Variants in LAS1L observed in about 807,000 individuals in gnomAD.
LAS1L encodes the protein LAS1 like ribosome biogenesis factor.
In LAS1L, 5 loss-of-function variants were observed where a neutral mutation model predicts 57.3. The ratio of observed to expected loss-of-function variants is 0.09; its 90% CI spans 0.05 to 0.18. The LOEUF is 0.18. Ranked by LOEUF, LAS1L falls within the 10% of genes least tolerant of loss-of-function variation. The pLI is 1.00. For missense variants in LAS1L, 360 were observed against 568.3 expected (o/e 0.63, Z 3.73); for synonymous variants, 245 against 231.7 (o/e 1.06, Z -0.52).
At position 65,534,643 on chromosome X, in the gene LAS1L, C is replaced by T; in HGVS notation, c.73G>A (p.Gly25Arg). 2 of 1,195,069 alleles carry T rather than the reference C, an allele frequency of 1.7e-6. No individual in the cohort carries two copies. The highest frequency in any genetic ancestry group is 1.8e-5 in the South Asian group (1 of 54,652). Residue 25 changes from glycine (G) to arginine (R), a missense_variant, in exon 1 of 14, where the codon GGA becomes AGA. Coordinates refer to ENST00000374811, the MANE Select transcript of LAS1L (RefSeq NM_031206.7). The part of the protein sequence containing the change: ...GMDLVWSAWY[G>R]KCVKGKGSLP... ...GACCCTTTCCCTTTAACGCACTTTC[C>T]GTACCACGCACTCCACACGAGATCC...
At position 65,517,889 on chromosome X, in the gene LAS1L, T is replaced by C; in HGVS notation, c.1927+98A>G. Reference sequence around the variant, plus strand: ...CCTTCCAGGCTTGCCTCACATTGGCTACCTCCTGCTACTTTCCATCTCTTC... The same window carrying C: ...CCTTCCAGGCTTGCCTCACATTGGCCACCTCCTGCTACTTTCCATCTCTTC... On this transcript the variant is annotated intron_variant, in intron 12 of 13. Transcript: ENST00000374811. 8.2e-6 allele frequency: 9 copies of C among 1,099,674 alleles called. No individual in the cohort carries two copies. In the South Asian group the frequency reaches 2.2e-4, roughly 27 times the overall value. 90.6% of individuals were successfully genotyped at this position (1,099,674 alleles called of 1,213,427 possible). A position where few individuals can be genotyped will look rare whatever the true frequency, so the allele number is the denominator to read the frequency against.
intron 11 of LAS1L, among the ~76,000 whole-genome samples, chrX:65,519,590 A>C (rs1210573885): frequency 8.9e-6 from 1 of 112,023 alleles, no homozygotes; most frequent in Non-Finnish European, 1.9e-5. Flanking sequence ...TGTGCACACA[A>C]AAGACGGCGC....
Position 65,524,314 on chromosome X carries a change from G to T in LAS1L, c.1094-52C>A, listed in dbSNP as rs766968964. ...GGGGGCAATAGGAGAGAGAGAGCAG[G>T]AGAGCACGAAAGAGAGAGCAAGAGA... On this transcript the variant is annotated intron_variant, in intron 9 of 13. Transcript: ENST00000374811. The T allele has an allele frequency of 3.1e-6, 3 of 982,496 alleles. No individual in the cohort carries two copies. The African/African-American group carries it at 5.7e-5, about 19-fold the overall frequency. 81.0% of individuals were successfully genotyped at this position (982,496 alleles called of 1,213,427 possible).
chrX:65,514,745 C>T (rs1173302601), intron 13 of LAS1L, 78 bp downstream of exon 13: 1 of 1,001,342 alleles, frequency 1.0e-6, no homozygotes, highest in Non-Finnish European at 1.3e-6. Flanking sequence ...CCTCCCCCAC[C>T]CACCTCACCT....
chrX:65,525,748 C>CAAAAA lies in LAS1L; in HGVS notation c.957-703_957-699dup, dbSNP rs772564998. On this transcript the variant is annotated intron_variant, in intron 7 of 13. Coordinates refer to ENST00000374811, the MANE Select transcript of LAS1L (RefSeq NM_031206.7). ...AGGTCTTCACCAAGGTCTGATTTTT[C>CAAAAA]AAAAAAAAAAAAAAAAAAAAGAAAG... 3.2e-3 allele frequency among the ~76,000 whole-genome samples: 124 copies of CAAAAA among 38,206 alleles called. 7 individuals carry two copies. Among genetic ancestry groups the CAAAAA allele is most frequent in the Middle Eastern group, 0.021 (1 of 47 alleles). 33.2% of individuals were successfully genotyped at this position (38,206 alleles called of 115,157 possible). A position where few individuals can be genotyped will look rare whatever the true frequency, so the allele number is the denominator to read the frequency against.
chrX:65,519,911 T>C (rs1453631338), intron 11 of LAS1L, among the ~76,000 whole-genome samples: 1 of 111,895 alleles, frequency 8.9e-6, no homozygotes, highest in Non-Finnish European at 1.9e-5. Flanking sequence ...TCAAATTAAA[T>C]TGATATTGGC....
At position 65,518,059 on chromosome X, in the gene LAS1L, T is replaced by G; in HGVS notation, c.1855A>C (p.Thr619Pro). 8.3e-7 allele frequency: 1 copy of G among 1,211,995 alleles called. No individual in the cohort carries two copies. Among genetic ancestry groups the G allele is most frequent in the Non-Finnish European group, 1.1e-6 (1 of 895,424 alleles). ...GCCAGAAGCCTAGCATTCTCGGCAGTGGGGGACTCTTGCCCTGTAGAGAAA... is the reference window on the plus strand; with the variant it reads ...GCCAGAAGCCTAGCATTCTCGGCAGGGGGGGACTCTTGCCCTGTAGAGAAA... The part of the protein sequence containing the change: ...GPFSTGQESP[T>P]AENARLLAQK... Residue 619 changes from threonine (T) to proline (P), a missense_variant, in exon 12 of 14, where the codon ACT becomes CCT. Physicochemically the swap from Thr to Pro is conservative, Grantham distance 38 (BLOSUM62 -1). Around this residue, in one of 7 missense-constraint regions of LAS1L, gnomAD observed 123 missense variants for 168.3 expected, o/e 0.73. Coordinates refer to ENST00000374811, the MANE Select transcript of LAS1L (RefSeq NM_031206.7).
intron 3 of LAS1L, among the ~76,000 whole-genome samples, chrX:65,532,181 G>T (rs2069530569): frequency 2.7e-5 from 3 of 112,180 alleles, no homozygotes; most frequent in Non-Finnish European, 5.6e-5. Flanking sequence ...GAATGTCTGA[G>T]TTACAGAAGT....
chrX:65,516,688 TTA>T (rs2068644544), intron 12 of LAS1L, among the ~76,000 whole-genome samples: 1 of 104,827 alleles, frequency 9.5e-6, no homozygotes, highest in African/African-American at 3.5e-5. Context: ...CAAATTCTGC[TTA>T]TGTCAATGCC....
In LAS1L at chrX:65,529,762, G is replaced by C. The variant is rs2069372163; in HGVS notation, c.631C>G (p.Gln211Glu). ...EFREGIEEED[Q>E]EEDKNIVVDD... ...ACAACAATGTTCTTATCTTCCTCTT[G>C]ATCCTCTTCCTCTATCCCTTCCCTG... The change falls in exon 5 of 14, where the codon CAA becomes GAA. Residue 211 changes from glutamine (Q) to glutamate (E), a missense_variant. This residue lies in a region of LAS1L where 51 missense variants were observed against 43.1 expected (regional missense o/e 1.18). Transcript: ENST00000374811. 2.5e-6 allele frequency: 3 copies of C among 1,211,245 alleles called. No individual in the cohort carries two copies. The highest frequency in any genetic ancestry group is 3.4e-6 in the Non-Finnish European group (3 of 895,272).
chrX:65,512,872 C>T lies in LAS1L; in HGVS notation c.2108G>A (p.Ser703Asn). The change falls in exon 14 of 14, where the codon AGT becomes AAT. Residue 703 changes from serine (S) to asparagine (N), a missense_variant. Coordinates refer to ENST00000374811, the MANE Select transcript of LAS1L (RefSeq NM_031206.7). Reference protein sequence around the residue: ...DTLGLSCGVGSGNCSNSSSSN... With the variant: ...DTLGLSCGVGNGNCSNSSSSN... ...GCTGCTGCTGTTGCTGCAGTTGCCACTGCCGACACCACAGCTCAGGCCCAA... is the reference window on the plus strand; with the variant it reads ...GCTGCTGCTGTTGCTGCAGTTGCCATTGCCGACACCACAGCTCAGGCCCAA... 1 of 1,167,796 alleles carries T rather than the reference C, an allele frequency of 8.6e-7. No homozygotes were observed. Among genetic ancestry groups the T allele is most frequent in the Non-Finnish European group, 1.1e-6 (1 of 872,921 alleles).
rs919155075 is a variant in LAS1L at position 65,524,172 on chromosome X, G to A, written c.1184C>T (p.Thr395Met). The A allele has an allele frequency of 2.5e-6, 3 of 1,210,278 alleles. No homozygotes were observed. Among genetic ancestry groups the A allele is most frequent in the Non-Finnish European group, 1.1e-6 (1 of 894,243 alleles). The change falls in exon 10 of 14, where the codon ACG becomes ATG. Residue 395 changes from threonine (T) to methionine (M), a missense_variant. By Grantham distance (81) the Thr-to-Met change is moderately conservative. This residue lies in a region of LAS1L where 81 missense variants were observed against 192.1 expected (regional missense o/e 0.42). Coordinates refer to ENST00000374811, the MANE Select transcript of LAS1L (RefSeq NM_031206.7). ...LLRGLHSQNF[T>M]QALLERMLSE... is the part of the protein sequence containing the mutation. ...GAGCATCCTCTCCAATAGGGCCTGC[G>A]TGAAGTTCTGGGAGTGCAGGCCCCT...
chrX:65,520,401 C>A, intron 11 of LAS1L: 1 of 738,961 alleles, frequency 1.4e-6, no homozygotes, highest in Non-Finnish European at 1.6e-6. Flanking sequence ...TTAACCTCTA[C>A]AAAAAAACAC....
At chrX:65,519,830 GCT>G (rs2068778818) in intron 11 of LAS1L, among the ~76,000 whole-genome samples, 1 of 111,338 alleles carries the variant, frequency 9.0e-6, no homozygotes, top group South Asian at 3.8e-4. Flanking sequence ...TGGGGGCAGG[GCT>G]GGGGGGCTGA....
intron 11 of LAS1L, among the ~76,000 whole-genome samples, chrX:65,519,655 A>G (rs1288441231): frequency 8.9e-6 from 1 of 111,742 alleles, no homozygotes; most frequent in Non-Finnish European, 1.9e-5. Flanking sequence ...GCTCGAGGGG[A>G]GAGGAGGGTG....
At chrX:65,515,894 T>C (rs1267262290) in intron 12 of LAS1L, among the ~76,000 whole-genome samples, 1 of 111,639 alleles carries the variant, frequency 9.0e-6, no homozygotes, top group Non-Finnish European at 1.9e-5. Flanking sequence ...CATCCCCCCA[T>C]ATACAGATGC....
At position 65,534,608 on chromosome X, in the gene LAS1L, G is replaced by A. The variant is rs2069711072; in HGVS notation, c.108C>T (p.Leu36=). Residue 36 remains leucine, a synonymous_variant, in exon 1 of 14, where the codon CTC becomes CTT. Transcript: ENST00000374811. ...AGGCGACCACGATGCCGTGGGCCGA[G>A]AGTGGCAACGACCCTTTCCCTTTAA... ...KCVKGKGSLP[L]SAHGIVVAWL... The A allele has an allele frequency of 1.7e-6, 2 of 1,201,608 alleles. No individual in the cohort carries two copies. Among genetic ancestry groups the A allele is most frequent in the Admixed American group, 2.2e-5 (1 of 45,086 alleles).
intron 13 of LAS1L, 56 bp from the exon 14 acceptor site, chrX:65,512,957 G>C: frequency 9.2e-7 from 1 of 1,084,786 alleles, no homozygotes; most frequent in East Asian, 3.4e-5. Flanking sequence ...GCTCTGGAGG[G>C]GCCAAGAGTG....
At chrX:65,533,480 C>T in intron 2 of LAS1L, 130 bp downstream of exon 2, 1 of 559,888 alleles carries the variant, frequency 1.8e-6, no homozygotes, top group African/African-American at 2.3e-5. Flanking sequence ...TAATCACAGG[C>T]TGATCCACAG....
Sources: allele counts gnomAD v4.1 joint callset (sites outside exome capture counted in the v4.1 genomes callset), GRCh38; gene constraint gnomAD v4.1.1; regional missense constraint gnomAD v4.1.1; transcripts MANE v1.5; gene names NCBI Gene and HGNC (gene_info 2026-07-23, HGNC 2026-07-21).